MUSK: variants seen among roughly 807,000 people sequenced by gnomAD.
The protein encoded by MUSK is muscle associated receptor tyrosine kinase.
In MUSK, 55 loss-of-function variants were observed where a neutral mutation model predicts 88.7. That is an observed-to-expected ratio of 0.62 (90% confidence interval 0.50 to 0.78). The LOEUF (loss-of-function observed/expected upper bound fraction) is 0.78, where lower values mean the gene tolerates loss of function less well. Ranked by LOEUF, MUSK falls within the 30% of genes least tolerant of loss-of-function variation. MUSK has a pLI of 0.00. For synonymous variants in MUSK, 387 were observed against 391.9 expected, an observed-to-expected ratio of 0.99 and a Z score of 0.15; for missense variants, 1,015 against 1,074.3, an observed-to-expected ratio of 0.94 and a Z score of 0.77.
At chr9:110,728,579 C>T in intron 5 of MUSK, 2 of 734,388 alleles carry the variant, frequency 2.7e-6, no homozygotes, top group South Asian at 3.3e-5. Context: ...TCTAATTAAT[C>T]TTGTTGCACA....
chr9:110,722,543 A>G (rs1310213707), intron 5 of MUSK, among the ~76,000 whole-genome samples: 2 of 152,054 alleles, frequency 1.3e-5, no homozygotes, highest in East Asian at 3.9e-4. Context: ...AAGAAAAAAA[A>G]AAACATGGGA....
chr9:110,691,535 T>C (rs2076355717), intron 3 of MUSK, among the ~76,000 whole-genome samples: 1 of 152,166 alleles, frequency 6.6e-6, no homozygotes, highest in Non-Finnish European at 1.5e-5. Context: ...TTCTTTCTTC[T>C]ACCTGGTGAT....
chr9:110,678,092 T>C (rs1181695925), intron 1 of MUSK, among the ~76,000 whole-genome samples: 1 of 152,114 alleles, frequency 6.6e-6, no homozygotes, highest in Non-Finnish European at 1.5e-5. Flanking sequence ...AAGCTTTCTA[T>C]ACTTTATATT....
intron 5 of MUSK, among the ~76,000 whole-genome samples, chr9:110,730,449 T>A (rs2076948893): frequency 6.6e-6 from 1 of 152,120 alleles, no homozygotes; most frequent in Non-Finnish European, 1.5e-5. Context: ...TTTATATTCT[T>A]TTATGCAGAT....
In MUSK at chr9:110,800,798, C is replaced by T. The variant is rs2078084247; in HGVS notation, c.2420C>T (p.Ala807Val). ...GGCCTGCAGCCCTACTATGGGATGG[C>T]CCATGAGGAGGTCATTTACTACGTG... Reference protein sequence around the residue: ...SYGLQPYYGMAHEEVIYYVRD... With the variant: ...SYGLQPYYGMVHEEVIYYVRD... Residue 807 changes from alanine (A) to valine (V), a missense_variant, in exon 15 of 15, where the codon GCC becomes GTC. Physicochemically the swap from Ala to Val is moderately conservative, Grantham distance 64. Transcript: ENST00000374448. 1 of 1,613,634 alleles carries T rather than the reference C, an allele frequency of 6.2e-7. No individual in the cohort carries two copies. The highest frequency in any genetic ancestry group is 1.3e-5 in the African/African-American group (1 of 74,898).
chr9:110,762,143 C>A lies in MUSK; in HGVS notation c.914-59C>A, dbSNP rs185178040. 28 of 1,298,332 alleles carry A rather than the reference C, an allele frequency of 2.2e-5. No homozygotes were observed. In the Admixed American group the frequency reaches 7.2e-4, roughly 33 times the overall value. The allele number at this position is 1,298,332 out of a possible 1,614,324, so 80.4% of individuals were successfully genotyped here. ...AAAGCATAAGATGAAAATGTACTAA[C>A]GTTCTTTCTTTTCTCCTTTAATTTG... On this transcript the variant is annotated intron_variant, in intron 7 of 14. Transcript: ENST00000374448.
intron 6 of MUSK, among the ~76,000 whole-genome samples, chr9:110,741,963 T>C (rs933578900): frequency 6.6e-6 from 1 of 152,194 alleles, no homozygotes; most frequent in African/African-American, 2.4e-5. Flanking sequence ...AATGGTATAA[T>C]TAGAGACATC....
chr9:110,730,372 C>T (rs2076948067), intron 5 of MUSK, among the ~76,000 whole-genome samples: 1 of 151,966 alleles, frequency 6.6e-6, no homozygotes. Context: ...TAAATGCTTT[C>T]CAACTTACTA....
At chr9:110,785,451 C>A in intron 12 of MUSK, 76 bp from the exon 13 acceptor site, 1 of 1,238,790 alleles carries the variant, frequency 8.1e-7, no homozygotes, top group Non-Finnish European at 1.1e-6. Flanking sequence ...TGCCATATTT[C>A]TTAGAATCTA....
intron 5 of MUSK, 59 bp from the exon 6 acceptor site, chr9:110,734,192 C>A: frequency 1.9e-6 from 3 of 1,546,420 alleles, no homozygotes; most frequent in African/African-American, 2.7e-5. Flanking sequence ...TCTAAAAGAC[C>A]ACCCTAGCTT....
At chr9:110,733,315 C>T (rs2076987416) in intron 5 of MUSK, among the ~76,000 whole-genome samples, 1 of 152,092 alleles carries the variant, frequency 6.6e-6, no homozygotes, top group Admixed American at 6.6e-5. Flanking sequence ...CTTAAATTAA[C>T]AAAGATTTGG....
intron 5 of MUSK, among the ~76,000 whole-genome samples, chr9:110,715,849 T>C (rs1408759187): frequency 6.7e-6 from 1 of 149,092 alleles, no homozygotes; most frequent in Non-Finnish European, 1.5e-5. Flanking sequence ...GAAGCCATTA[T>C]CCTCAGCAAA....
chr9:110,705,702 T>G (rs1025915946), intron 5 of MUSK, among the ~76,000 whole-genome samples: 6 of 152,192 alleles, frequency 3.9e-5, no homozygotes, highest in African/African-American at 1.4e-4. Flanking sequence ...GAAGCACCGC[T>G]AGGTAAGAAC....
chr9:110,777,768 T>C (rs1220562372), intron 11 of MUSK, among the ~76,000 whole-genome samples: 1 of 152,124 alleles, frequency 6.6e-6, no homozygotes, highest in Non-Finnish European at 1.5e-5. Context: ...TCCACATTTC[T>C]GCCTTTCACA....
chr9:110,690,896 G>A (rs1423523118), intron 3 of MUSK, among the ~76,000 whole-genome samples: 12 of 140,848 alleles, frequency 8.5e-5, no homozygotes, highest in South Asian at 2.2e-4. Flanking sequence ...TTTTTGAGAC[G>A]GAGTCTCGCT....
At chr9:110,774,864 T>TAC (rs1463701130) in intron 9 of MUSK, among the ~76,000 whole-genome samples, 4,870 of 99,318 alleles carry the variant, frequency 0.049, 75 homozygotes, top group Non-Finnish European at 0.053. Flanking sequence ...GTGGCATATA[T>TAC]ATACACACAC....
chr9:110,718,394 T>C (rs772616227), intron 5 of MUSK, among the ~76,000 whole-genome samples: 3 of 151,942 alleles, frequency 2.0e-5, no homozygotes, highest in Non-Finnish European at 4.4e-5. Flanking sequence ...AAGGGAGAAT[T>C]TGTGGACAGG....
intron 6 of MUSK, among the ~76,000 whole-genome samples, chr9:110,742,748 C>T (rs1324234729): frequency 1.3e-5 from 2 of 152,166 alleles, no homozygotes; most frequent in African/African-American, 4.8e-5. Flanking sequence ...ACCTCAGATT[C>T]TAAAACAGGA....
At chr9:110,676,349 T>TAATATATAATATATAATATATAA (rs1194908438) in intron 1 of MUSK, among the ~76,000 whole-genome samples, 2 of 139,186 alleles carry the variant, frequency 1.4e-5, no homozygotes, top group Non-Finnish European at 3.1e-5. Context: ...CACACATATA[T>TAATATATAATATATAATATATAA]TATATATTAT....
Sources: allele counts gnomAD v4.1 joint callset (sites outside exome capture counted in the v4.1 genomes callset), GRCh38; gene constraint gnomAD v4.1.1; transcripts MANE v1.5; gene names NCBI Gene and HGNC (gene_info 2026-07-23, HGNC 2026-07-21).